RAPH1: variants seen among roughly 807,000 people sequenced by gnomAD.
RAPH1 encodes Ras association (RalGDS/AF-6) and pleckstrin homology domains 1.
RAPH1 carries 18 observed loss-of-function variants against 88.1 expected under a neutral mutation model. The observed-to-expected ratio is 0.20, with a 90% confidence interval of 0.14 to 0.30. The LOEUF (loss-of-function observed/expected upper bound fraction) is 0.30, where lower values mean the gene tolerates loss of function less well. Ranked by LOEUF, RAPH1 falls within the 10% of genes least tolerant of loss-of-function variation. RAPH1 has a pLI of 1.00. For missense variants in RAPH1, 1,448 were observed against 1,543.2 expected, an observed-to-expected ratio of 0.94 and a Z score of 1.03; for synonymous variants, 587 against 559.0, an observed-to-expected ratio of 1.05 and a Z score of -0.71.
At chr2:203,478,158 C>T (rs1016822476) in intron 4 of RAPH1, among the ~76,000 whole-genome samples, 1 of 151,678 alleles carries the variant, frequency 6.6e-6, no homozygotes, top group Admixed American at 6.6e-5. Context: ...CTCATCCTCC[C>T]GAGTAGCTGG....
chr2:203,527,992 A>G (rs1277877392), intron 1 of RAPH1, among the ~76,000 whole-genome samples: 1 of 152,158 alleles, frequency 6.6e-6, no homozygotes, highest in East Asian at 1.9e-4. Context: ...GATGTTGTTA[A>G]GGAGTGATCA....
rs1687501302 is a variant in RAPH1 at position 203,477,247 on chromosome 2, AAGTGAAACAAAACAGT to A, written c.732+12321_732+12336del. On this transcript the variant is annotated intron_variant, in intron 4 of 13. Coordinates refer to ENST00000319170, the MANE Select transcript of RAPH1 (RefSeq NM_213589.3). The stretch of plus-strand genomic sequence containing the variant: ...ATGCAGGAAGAGAAAAAGATCAATG[AAGTGAAACAAAACAGT>A]AATGAAACAAAATAGTAATGAAAAG... 9.5e-6 allele frequency: 9 copies of A among 946,622 alleles called. No homozygotes were observed. The South Asian group carries it at 1.1e-4, about 12-fold the overall frequency. 58.6% of individuals were successfully genotyped at this position (946,622 alleles called of 1,614,324 possible). A position where few individuals can be genotyped will look rare whatever the true frequency, so the allele number is the denominator to read the frequency against.
intron 1 of RAPH1, among the ~76,000 whole-genome samples, chr2:203,497,857 C>G (rs1688585548): frequency 6.6e-6 from 1 of 152,110 alleles, no homozygotes; most frequent in Non-Finnish European, 1.5e-5. Context: ...TCAATCTCAA[C>G]AGAAACTTGG....
chr2:203,519,364 C>G (rs1028541576), intron 1 of RAPH1, among the ~76,000 whole-genome samples: 2 of 152,086 alleles, frequency 1.3e-5, no homozygotes, highest in Non-Finnish European at 2.9e-5. Context: ...TTAATACAAT[C>G]CATTACATCA....
chr2:203,463,731 A>T (rs1490391159), intron 4 of RAPH1, among the ~76,000 whole-genome samples: 1 of 152,244 alleles, frequency 6.6e-6, no homozygotes, highest in Non-Finnish European at 1.5e-5. Flanking sequence ...TGACTAAAAG[A>T]TTAAATCATC....
intron 7 of RAPH1, among the ~76,000 whole-genome samples, chr2:203,458,161 G>A (rs1454926444): frequency 6.6e-6 from 1 of 152,192 alleles, no homozygotes; most frequent in Non-Finnish European, 1.5e-5. Context: ...CACGAGGTCA[G>A]AAGTTCAAGA....
At chr2:203,501,546 C>A (rs991869478) in intron 1 of RAPH1, among the ~76,000 whole-genome samples, 1 of 152,152 alleles carries the variant, frequency 6.6e-6, no homozygotes, top group Non-Finnish European at 1.5e-5. Flanking sequence ...GGCGGGCAGA[C>A]TGCTTGAGCC....
At chr2:203,444,830 C>A in intron 13 of RAPH1, 38 bp downstream of exon 13, 1 of 1,598,616 alleles carries the variant, frequency 6.3e-7, no homozygotes, top group South Asian at 1.1e-5. Context: ...AAAAGAATAC[C>A]ACAGAATTTT....
chr2:203,459,783 G>T, intron 7 of RAPH1, 124 bp downstream of exon 7: 1 of 971,310 alleles, frequency 1.0e-6, no homozygotes, highest in Non-Finnish European at 1.6e-6. Context: ...TGCTCCTATA[G>T]GATTTTGCAG....
intron 10 of RAPH1, among the ~76,000 whole-genome samples, chr2:203,452,428 G>C (rs1475079988): frequency 6.6e-6 from 1 of 152,196 alleles, no homozygotes; most frequent in African/African-American, 2.4e-5. Context: ...ACAGAATTCT[G>C]TACAGACCTT....
Position 203,457,091 on chromosome 2 carries a change from A to C in RAPH1, c.1158+439T>G, listed in dbSNP as rs560745058. Among the ~76,000 whole-genome samples the C allele has an allele frequency of 2.3e-4, 35 of 152,252 alleles. 1 individual carries two copies. The South Asian group carries it at 6.0e-3, about 26-fold the overall frequency. ...ACTCTCTCCCTCATACTATCAAAGA[A>C]TACACAGGCTTCTTTAATTAAAATT... is the stretch of plus-strand genomic sequence containing the variant. On this transcript the variant is annotated intron_variant, in intron 8 of 13. Transcript: ENST00000319170.
intron 4 of RAPH1, among the ~76,000 whole-genome samples, chr2:203,488,692 T>C (rs1179374845): frequency 1.3e-5 from 2 of 151,846 alleles, no homozygotes; most frequent in Non-Finnish European, 2.9e-5. Flanking sequence ...AACTCCATTT[T>C]ACTTGTGAGA....
At chr2:203,520,815 C>T (rs2105964788) in intron 1 of RAPH1, among the ~76,000 whole-genome samples, 1 of 152,210 alleles carries the variant, frequency 6.6e-6, no homozygotes, top group Admixed American at 6.5e-5. Context: ...TATTCCTCAT[C>T]ACTTTGGAGA....
rs34628795 is a variant in RAPH1 at position 203,509,066 on chromosome 2, A to ATTT, written c.1-13716_1-13714dup. Among the ~76,000 whole-genome samples the ATTT allele has an allele frequency of 1.6e-4, 19 of 120,496 alleles. 1 individual carries two copies. Among genetic ancestry groups the ATTT allele is most frequent in the Admixed American group, 7.4e-4 (8 of 10,870 alleles). The allele number at this position is 120,496 out of a possible 152,430, so 79.1% of individuals were successfully genotyped here. ...TGCAAAAAGAGTCATTTAAAAAATA[A>ATTT]TTTTTTTTTTTTTTTTTTTTTTTTA... On this transcript the variant is annotated intron_variant, in intron 1 of 13. Transcript: ENST00000319170.
intron 4 of RAPH1, among the ~76,000 whole-genome samples, chr2:203,462,667 C>G (rs1001200212): frequency 1.3e-5 from 2 of 152,048 alleles, no homozygotes; most frequent in Non-Finnish European, 2.9e-5. Flanking sequence ...CCTCAGAAAA[C>G]TTAGATTAAA....
intron 8 of RAPH1, among the ~76,000 whole-genome samples, chr2:203,457,249 G>A (rs1354069360): frequency 6.6e-6 from 1 of 152,004 alleles, no homozygotes; most frequent in Non-Finnish European, 1.5e-5. Flanking sequence ...ATGCAGTGGT[G>A]CAATCTCGGC....
intron 1 of RAPH1, among the ~76,000 whole-genome samples, chr2:203,523,677 C>T (rs1689993240): frequency 6.6e-6 from 1 of 151,858 alleles, no homozygotes; most frequent in African/African-American, 2.4e-5. Context: ...TGATGAAGCC[C>T]AATATAAAAA....
At position 203,441,232 on chromosome 2, in the gene RAPH1, G is replaced by A. The variant is rs2098503634; in HGVS notation, c.1958C>T (p.Ser653Phe). ...PPPPPPLPSQ[S>F]APSAGSAAPM... ...GGCTGCTGAGCCTGCAGAAGGTGCA[G>A]ACTGGCTGGGGAGTGGGGGAGGAGG... Residue 653 changes from serine (S) to phenylalanine (F), a missense_variant, in exon 14 of 14, where the codon TCT becomes TTT. This residue lies in a region of RAPH1 where 935 missense variants were observed against 890.1 expected (regional missense o/e 1.05). Coordinates refer to ENST00000319170, the MANE Select transcript of RAPH1 (RefSeq NM_213589.3). 1 of 1,575,538 alleles carries A rather than the reference G, an allele frequency of 6.3e-7. No homozygotes were observed. The highest frequency in any genetic ancestry group is 2.3e-5 in the East Asian group (1 of 43,638).
chr2:203,444,210 G>A (rs1257511513), intron 13 of RAPH1: 1 of 152,114 alleles, frequency 6.6e-6, no homozygotes, highest in Non-Finnish European at 1.5e-5. Flanking sequence ...GAGGCAGGTG[G>A]ATCTCGAAGT....
Sources: gnomAD v4.1 joint callset for allele counts (sites outside exome capture counted in the v4.1 genomes callset) on GRCh38, gnomAD v4.1.1 for gene constraint, gnomAD v4.1.1 regional missense constraint, MANE v1.5 for transcripts, NCBI Gene and HGNC (gene_info 2026-07-23, HGNC 2026-07-21) for gene names.